CTDP1: variants seen among roughly 807,000 people sequenced by gnomAD.
CTDP1 encodes RNA polymerase II subunit A C-terminal domain phosphatase.
Under a neutral mutation model 91.8 loss-of-function variants are expected in CTDP1, and 47 were observed. The ratio of observed to expected loss-of-function variants is 0.51; its 90% confidence interval spans 0.41 to 0.65. The LOEUF is 0.65. Ranked by LOEUF, CTDP1 falls within the 30% of genes least tolerant of loss-of-function variation. The pLI, the probability that CTDP1 is intolerant of heterozygous loss-of-function variation, is 0.00. For missense variants in CTDP1, 1,272 were observed against 1,373.7 expected (o/e 0.93, Z 1.17); for synonymous variants, 656 against 598.5 (o/e 1.10, Z -1.40).
intron 1 of CTDP1, among the ~76,000 whole-genome samples, chr18:79,688,347 C>T (rs1317821501): frequency 1.3e-5 from 2 of 152,270 alleles, no homozygotes; most frequent in African/African-American, 4.8e-5. Flanking sequence ...TCACTGCAAC[C>T]TCCACCTCCT....
rs114767893 is a variant in CTDP1, at chr18:79,686,496, G to A, written c.314+6235G>A. Among the ~76,000 whole-genome samples the A allele has an allele frequency of 4.8e-3, 729 of 152,330 alleles. 5 individuals carry two copies. Among genetic ancestry groups the A allele is most frequent in the African/African-American group, 0.016 (676 of 41,570 alleles). ...TAAAGGATAAATGCACATTTTAAAG[G>A]TTATGAAGAGATGGTCTTGGTAGGT... On this transcript the variant is annotated intron_variant, in intron 1 of 12. Transcript: ENST00000613122.
At chr18:79,686,368 G>A (rs574344201) in intron 1 of CTDP1, among the ~76,000 whole-genome samples, 1 of 152,300 alleles carries the variant, frequency 6.6e-6, no homozygotes, top group East Asian at 1.9e-4. Context: ...GAAAACAAGC[G>A]ATGTAAGTTG....
At chr18:79,727,301 G>T (rs1297476232) in intron 10 of CTDP1, among the ~76,000 whole-genome samples, 1 of 152,238 alleles carries the variant, frequency 6.6e-6, no homozygotes, top group Non-Finnish European at 1.5e-5. Flanking sequence ...ACGTACATGG[G>T]TGTTTCAGCC....
chr18:79,722,997 G>T (rs1415992059), intron 10 of CTDP1, among the ~76,000 whole-genome samples: 1 of 152,188 alleles, frequency 6.6e-6, no homozygotes, highest in Non-Finnish European at 1.5e-5. Flanking sequence ...AGTTCATGTG[G>T]CGCCTGCCCA....
intron 1 of CTDP1, among the ~76,000 whole-genome samples, chr18:79,692,324 G>A (rs955458070): frequency 1.3e-4 from 20 of 152,172 alleles, no homozygotes; most frequent in African/African-American, 4.1e-4. Context: ...GTCGTCTGTC[G>A]GTCATACCTT....
intron 10 of CTDP1, among the ~76,000 whole-genome samples, chr18:79,721,161 C>T (rs1033425198): frequency 6.6e-6 from 1 of 152,188 alleles, no homozygotes; most frequent in African/African-American, 2.4e-5. Flanking sequence ...CAGGCCCAGC[C>T]CACAGCCACT....
At chr18:79,727,508 G>A (rs62097746) in intron 10 of CTDP1, among the ~76,000 whole-genome samples, 46,047 of 152,090 alleles carry the variant, frequency 0.3, 8,274 homozygotes, top group East Asian at 0.41. Flanking sequence ...CGTTTGCGGC[G>A]TTCGTGGGAT....
downstream of CTDP1, chr18:79,754,948 G>C (rs528830831): frequency 6.6e-6 from 1 of 152,396 alleles, no homozygotes; most frequent in African/African-American, 2.4e-5. Flanking sequence ...ACACACTCCT[G>C]CTTTCCGACG....
At chr18:79,704,675 T>A (rs2085929962) in intron 4 of CTDP1, 92 bp from the exon 5 acceptor site, 5 of 1,535,086 alleles carry the variant, frequency 3.3e-6, no homozygotes, top group Non-Finnish European at 4.5e-6. Context: ...CACACGTGTG[T>A]TCTCAGGATG....
At chr18:79,718,756 A>G (rs2086272132) in intron 10 of CTDP1, among the ~76,000 whole-genome samples, 1 of 152,150 alleles carries the variant, frequency 6.6e-6, no homozygotes, top group East Asian at 1.9e-4. Context: ...AATTCAACCA[A>G]AAGTTCAACT....
chr18:79,726,034 A>G (rs2086437896), intron 10 of CTDP1, among the ~76,000 whole-genome samples: 1 of 151,852 alleles, frequency 6.6e-6, no homozygotes, highest in Non-Finnish European at 1.5e-5. Flanking sequence ...CTGCTTTTTG[A>G]GTTGGAAGGT....
At chr18:79,682,769 C>G (rs1358577689) in intron 1 of CTDP1, among the ~76,000 whole-genome samples, 1 of 152,062 alleles carries the variant, frequency 6.6e-6, no homozygotes, top group Non-Finnish European at 1.5e-5. Context: ...CAGCCCGTCC[C>G]CCGTGAGAAT....
At chr18:79,678,140 T>G (rs1031445394), upstream of CTDP1, 42 of 152,230 alleles carry the variant, frequency 2.8e-4, no homozygotes, top group African/African-American at 1.0e-3. Flanking sequence ...GCCATTCTAA[T>G]TACCACATTT....
chr18:79,699,259 T>C (rs187006327), intron 4 of CTDP1, among the ~76,000 whole-genome samples: 48 of 151,976 alleles, frequency 3.2e-4, no homozygotes. Context: ...CTCACTAAGG[T>C]TTTTTGTTTG....
At chr18:79,705,143 G>A (rs571291286) in intron 5 of CTDP1, among the ~76,000 whole-genome samples, 3 of 152,272 alleles carry the variant, frequency 2.0e-5, no homozygotes, top group South Asian at 2.1e-4. Context: ...TGGGTGGGCC[G>A]CTTTGGGAGT....
At chr18:79,724,552 A>G (rs984224871) in intron 10 of CTDP1, among the ~76,000 whole-genome samples, 2 of 152,152 alleles carry the variant, frequency 1.3e-5, no homozygotes, top group African/African-American at 4.8e-5. Context: ...ATAATTACCC[A>G]TCACTCCTGT....
At chr18:79,686,638 C>T (rs2085499991) in intron 1 of CTDP1, among the ~76,000 whole-genome samples, 1 of 152,260 alleles carries the variant, frequency 6.6e-6, no homozygotes, top group African/African-American at 2.4e-5. Flanking sequence ...GTTTAAAAGA[C>T]AGTAATTTCC....
In CTDP1 at chr18:79,714,530, C is replaced by T. The variant is rs1385737413; in HGVS notation, c.1070C>T (p.Pro357Leu). The change falls in exon 8 of 13, where the codon CCG becomes CTG. Residue 357 changes from proline (P) to leucine (L), a missense_variant. Physicochemically the swap from Pro to Leu is moderately conservative, Grantham distance 98. Coordinates refer to ENST00000613122, the MANE Select transcript of CTDP1 (RefSeq NM_004715.5). ...GGCACTGAGGTCTCAGAGCCATCTC[C>T]GCCCGTGAGAGACCCTGAGGGGGTA... ...SRGTEVSEPSPPVRDPEGVTQ... is the reference protein window; with the variant it reads ...SRGTEVSEPSLPVRDPEGVTQ... 1.1e-5 allele frequency: 17 copies of T among 1,613,168 alleles called. No homozygotes were observed. Among genetic ancestry groups the T allele is most frequent in the African/African-American group, 2.7e-5 (2 of 75,076 alleles).
In CTDP1 at chr18:79,713,603, G is replaced by C. The variant is rs1017338989; in HGVS notation, c.1030+465G>C. Among the ~76,000 whole-genome samples, 1 of 152,230 alleles carries C rather than the reference G, an allele frequency of 6.6e-6. No individual in the cohort carries two copies. On this transcript the variant is annotated intron_variant, in intron 7 of 12. Coordinates refer to ENST00000613122, the MANE Select transcript of CTDP1 (RefSeq NM_004715.5). This position sits in a 1 kb window ranked among gnomAD's most constrained non-coding sequence, Gnocchi z 4.7. ...CTTGTCAGTCAGGCATGCAGCTGACGTCCACCCTACGAAAGTTAAGTGTTT... is the reference window on the plus strand; with the variant it reads ...CTTGTCAGTCAGGCATGCAGCTGACCTCCACCCTACGAAAGTTAAGTGTTT...
Sources: gnomAD v4.1 joint callset for allele counts (sites outside exome capture counted in the v4.1 genomes callset) on GRCh38, gnomAD v4.1.1 for gene constraint, Gnocchi (gnomAD v3.1) non-coding constraint, MANE v1.5 for transcripts, NCBI Gene and HGNC (gene_info 2026-07-23, HGNC 2026-07-21) for gene names.